Variants in PRDX1 observed in about 807,000 individuals in gnomAD.
PRDX1 encodes peroxiredoxin-1.
A neutral mutation model predicts 20.7 loss-of-function variants in PRDX1; 19 were observed. The observed-to-expected ratio is 0.92, with a 90% confidence interval of 0.64 to 1.35. The LOEUF is 1.35. Among genes scored for constraint, PRDX1 ranks in the 40% most tolerant of loss-of-function variants. The probability of loss-of-function intolerance (pLI) is 0.00; values close to 1 mark genes in which losing one functional copy is unlikely to be tolerated. For missense variants in PRDX1, 226 were observed against 240.0 expected (o/e 0.94, Z 0.38); for synonymous variants, 89 against 83.9 (o/e 1.06, Z -0.33).
chr1:45,519,012 G>T lies in PRDX1; in HGVS notation c.32C>A (p.Pro11His). 1 of 1,599,758 alleles carries T rather than the reference G, an allele frequency of 6.3e-7. No individual in the cohort carries two copies. Among genetic ancestry groups the T allele is most frequent in the Non-Finnish European group, 8.5e-7 (1 of 1,175,672 alleles). MSSGNAKIGHPAPNFKATAVM... is the reference protein window; with the variant it reads MSSGNAKIGHHAPNFKATAVM... ...AGCTGTGGCTTTGAAGTTGGGGGCAGGGTGCCCAATTTTAGCATTTCCTGA... is the reference window on the plus strand; with the variant it reads ...AGCTGTGGCTTTGAAGTTGGGGGCATGGTGCCCAATTTTAGCATTTCCTGA... The change falls in exon 2 of 6, where the codon CCT becomes CAT. Residue 11 changes from proline (P) to histidine (H), a missense_variant. Physicochemically the swap from Pro to His is moderately conservative, Grantham distance 77. Transcript: ENST00000319248.
In PRDX1 at chr1:45,511,331, A is replaced by G. The variant is rs1361477590; in HGVS notation, c.598T>C (p.Ter200ArgextTer85). 3.1e-6 allele frequency: 5 copies of G among 1,610,200 alleles called. No homozygotes were observed. Among genetic ancestry groups the G allele is most frequent in the Non-Finnish European group, 4.2e-6 (5 of 1,178,048 alleles). ...KSKEYFSKQK[*>R] is the part of the protein sequence containing the mutation. The stretch of plus-strand genomic sequence containing the variant: ...CTGGCACTAAAACAGCCCAGCGCTC[A>G]CTTCTGCTTGGAGAAATATTCTTTG... Residue 200 changes from the stop codon to arginine, a stop_lost, in exon 6 of 6, where the codon TGA (stop) becomes CGA (arginine). Coordinates refer to ENST00000319248, the MANE Select transcript of PRDX1 (RefSeq NM_181697.3).
In PRDX1 at chr1:45,514,585, C is replaced by G. The variant is rs780698082; in HGVS notation, c.436G>C (p.Asp146His). 4.3e-6 allele frequency: 7 copies of G among 1,613,714 alleles called. No homozygotes were observed. Among genetic ancestry groups the G allele is most frequent in the Non-Finnish European group, 5.9e-6 (7 of 1,179,648 alleles). ...TCCACAGAGCGGCCAACAGGGAGGT[C>G]ATTTACAGTGATCTGCCGAAGAATA... is the stretch of plus-strand genomic sequence containing the variant. The part of the protein sequence containing the change: ...KGILRQITVN[D>H]LPVGRSVDET... The change falls in exon 5 of 6, where the codon GAC (aspartate) becomes CAC (histidine). Residue 146 changes from aspartate (D) to histidine (H), a missense_variant. Asp to His is a moderately conservative substitution (Grantham distance 81, BLOSUM62 -1). Coordinates refer to ENST00000319248, the MANE Select transcript of PRDX1 (RefSeq NM_181697.3).
At chr1:45,517,141 C>G (rs1199714634) in intron 2 of PRDX1, among the ~76,000 whole-genome samples, 1 of 152,032 alleles carries the variant, frequency 6.6e-6, no homozygotes, top group Admixed American at 6.6e-5. Context: ...CACTTTGGGG[C>G]CTCAGCAGGT....
At chr1:45,516,924 G>T (rs1643866976) in intron 2 of PRDX1, among the ~76,000 whole-genome samples, 1 of 151,382 alleles carries the variant, frequency 6.6e-6, no homozygotes, top group Non-Finnish European at 1.5e-5. Context: ...GGGAGGCTGA[G>T]CCAGGAGAAT....
chr1:45,519,937 T>A (rs954809361), intron 1 of PRDX1, among the ~76,000 whole-genome samples: 11 of 152,274 alleles, frequency 7.2e-5, no homozygotes, highest in Admixed American at 2.0e-4. Flanking sequence ...CTGGGCGCAG[T>A]GTCTCACACC....
Position 45,514,641 on chromosome 1 carries a change from G to C in PRDX1, c.384-4C>G. ...ATCATCAATGATAAAAAGGCCCCTG[G>C]GAAAAGAGATGAAAGGAAAAGCAAT... On this transcript the variant is annotated splice_polypyrimidine_tract_variant and splice_region_variant and intron_variant, in intron 4 of 5. Transcript: ENST00000319248. 1 of 1,613,640 alleles carries C rather than the reference G, an allele frequency of 6.2e-7. No individual in the cohort carries two copies. The highest frequency in any genetic ancestry group is 2.2e-5 in the East Asian group (1 of 44,882).
In PRDX1 at chr1:45,511,301, G is replaced by A. The variant is rs201519580; in HGVS notation, c.*28C>T. 1.3e-5 allele frequency: 20 copies of A among 1,549,164 alleles called. No homozygotes were observed. Among genetic ancestry groups the A allele is most frequent in the African/African-American group, 8.3e-5 (6 of 72,216 alleles). ...GGTTTTGTTCTCATGGCTGCCCACC[G>A]CAGCCTGGCACTAAAACAGCCCAGC... On this transcript the variant is annotated 3_prime_UTR_variant, in exon 6 of 6. Coordinates refer to ENST00000319248, the MANE Select transcript of PRDX1 (RefSeq NM_181697.3).
At chr1:45,511,947 T>A (rs1643756362) in intron 5 of PRDX1, 1 of 152,216 alleles carries the variant, frequency 6.6e-6, no homozygotes, top group Non-Finnish European at 1.5e-5. Context: ...AAAGGCAGAG[T>A]TTGAAATTTT....
chr1:45,515,915 T>C, intron 2 of PRDX1, 108 bp from the exon 3 acceptor site: 2 of 1,098,472 alleles, frequency 1.8e-6, no homozygotes, highest in Non-Finnish European at 2.5e-6. Context: ...AACCACTAAC[T>C]GCCAAGATGC....
chr1:45,515,506 G>A (rs1414716316), intron 3 of PRDX1, 148 bp downstream of exon 3: 13 of 816,188 alleles, frequency 1.6e-5, no homozygotes. Flanking sequence ...GGCTGAGGCA[G>A]GAGAATGGCG....
upstream of PRDX1, chr1:45,522,106 C>G (rs1042714191): frequency 6.6e-6 from 1 of 152,266 alleles, no homozygotes; most frequent in Non-Finnish European, 1.5e-5. Flanking sequence ...GTGAGGCGCC[C>G]TTGTGGCCGC....
upstream of PRDX1, chr1:45,522,102 C>T (rs2149331314): frequency 6.6e-6 from 1 of 152,348 alleles, no homozygotes; most frequent in Admixed American, 6.5e-5. Flanking sequence ...TGGAGTGAGG[C>T]GCCCTTGTGG....
rs761764463 is a variant in PRDX1 at position 45,514,885 on chromosome 1, C to G, written c.371G>C (p.Gly124Ala). 3 of 1,614,098 alleles carry G rather than the reference C, an allele frequency of 1.9e-6. No individual in the cohort carries two copies. Among genetic ancestry groups the G allele is most frequent in the Non-Finnish European group, 2.5e-6 (3 of 1,179,982 alleles). ...CCTGATGACATACCTGAACGAGATG[C>G]CTTCATCAGCCTTTAAGACCCCATA... ...QDYGVLKADE[G>A]ISFRGLFIID... The change falls in exon 4 of 6, where the codon GGC (glycine) becomes GCC (alanine). Residue 124 changes from glycine to alanine, a missense_variant. By Grantham distance (60) the Gly-to-Ala change is moderately conservative. Transcript: ENST00000319248.
intron 1 of PRDX1, among the ~76,000 whole-genome samples, chr1:45,519,756 C>G (rs910361504): frequency 6.6e-6 from 1 of 152,250 alleles, no homozygotes; most frequent in East Asian, 1.9e-4. Flanking sequence ...CCACCACACC[C>G]GGCTAATTTT....
intron 5 of PRDX1, chr1:45,512,664 G>C (rs998028156): frequency 1.3e-5 from 2 of 152,192 alleles, no homozygotes; most frequent in African/African-American, 2.4e-5. Flanking sequence ...AGTTATGAAA[G>C]CCTGGGTTCA....
chr1:45,512,826 C>G (rs956276956), intron 5 of PRDX1: 1 of 152,390 alleles, frequency 6.6e-6, no homozygotes, highest in South Asian at 2.1e-4. Context: ...TCCAGGCTAA[C>G]TGCCCACACA....
chr1:45,515,596 C>T, intron 3 of PRDX1, 58 bp downstream of exon 3: 5 of 1,126,768 alleles, frequency 4.4e-6, no homozygotes, highest in Non-Finnish European at 5.7e-6. Context: ...AAGACTCCAT[C>T]TCAAAAAAAA....
upstream of PRDX1, among the ~76,000 whole-genome samples, chr1:45,522,290 A>G (rs996308634): frequency 6.6e-6 from 1 of 152,190 alleles, no homozygotes; most frequent in African/African-American, 2.4e-5. Context: ...CTGTCTATCC[A>G]AATATTTCTT....
intron 5 of PRDX1, 134 bp from the exon 6 acceptor site, chr1:45,511,548 T>C (rs1643746508): frequency 1.7e-6 from 1 of 583,734 alleles, no homozygotes; most frequent in South Asian, 2.9e-5. Context: ...TCTTAGATCA[T>C]TCACCCTTTT....
Sources: gnomAD v4.1 joint callset for allele counts (sites outside exome capture counted in the v4.1 genomes callset) on GRCh38, gnomAD v4.1.1 for gene constraint, MANE v1.5 for transcripts, NCBI Gene and HGNC (gene_info 2026-07-23, HGNC 2026-07-21) for gene names.